ROBO2: variants seen among roughly 807,000 people sequenced by gnomAD.
ROBO2 encodes roundabout guidance receptor 2, also known as roundabout homolog 2.
A neutral mutation model predicts 160.8 loss-of-function variants in ROBO2; 53 were observed. The observed-to-expected ratio is 0.33, with a 90% CI of 0.26 to 0.41. The LOEUF is 0.41. Ranked by LOEUF, ROBO2 falls within the 10% of genes least tolerant of loss-of-function variation. The probability of loss-of-function intolerance (pLI) is 1.00; values close to 1 mark genes in which losing one functional copy is unlikely to be tolerated. For synonymous variants in ROBO2, 664 were observed against 611.7 expected (o/e 1.09, Z -1.26); for missense variants, 1,577 against 1,722.4 (o/e 0.92, Z 1.49).
At chr3:77,034,656 C>T (rs1018200472) in intron 2 of ROBO2, among the ~76,000 whole-genome samples, 6 of 151,852 alleles carry the variant, frequency 4.0e-5, no homozygotes, top group African/African-American at 1.4e-4. Context: ...AGTGAGCATA[C>T]AACTGTAAAA....
At chr3:77,415,185 G>A (rs917541790) in intron 2 of ROBO2, among the ~76,000 whole-genome samples, 61 of 152,312 alleles carry the variant, frequency 4.0e-4, no homozygotes, top group African/African-American at 1.3e-3. Context: ...GAGAACAGAA[G>A]AGCAAATGCT....
intron 2 of ROBO2, among the ~76,000 whole-genome samples, chr3:76,440,526 T>A (rs1327758455): frequency 2.0e-5 from 3 of 151,908 alleles, no homozygotes; most frequent in Non-Finnish European, 2.9e-5. Flanking sequence ...AGAGAAGAAA[T>A]CTGTAAAGGG....
intron 21 of ROBO2, among the ~76,000 whole-genome samples, chr3:77,615,872 G>A (rs2094764038): frequency 6.6e-6 from 1 of 152,118 alleles, no homozygotes; most frequent in African/African-American, 2.4e-5. Context: ...AAATATTCAA[G>A]AATCATCCGG....
intron 1 of ROBO2, among the ~76,000 whole-genome samples, chr3:77,048,023 G>A (rs929244745): frequency 6.6e-5 from 10 of 151,976 alleles, no homozygotes; most frequent in East Asian, 3.9e-4. Context: ...CTCCAGCCTC[G>A]GCGACAGAGT....
At chr3:76,919,982 T>G (rs1324540994) in intron 2 of ROBO2, among the ~76,000 whole-genome samples, 16 of 152,196 alleles carry the variant, frequency 1.1e-4, no homozygotes, top group Admixed American at 1.0e-3. Flanking sequence ...TTGGACGTAA[T>G]AGATTTTTAT....
intron 2 of ROBO2, among the ~76,000 whole-genome samples, chr3:76,931,693 T>A (rs559806952): frequency 1.1e-4 from 16 of 152,184 alleles, no homozygotes; most frequent in Middle Eastern, 3.4e-3. Flanking sequence ...GACTTTTTTT[T>A]AAATTTGAGA....
At chr3:77,304,905 A>G (rs1275667703) in intron 2 of ROBO2, among the ~76,000 whole-genome samples, 1 of 152,160 alleles carries the variant, frequency 6.6e-6, no homozygotes, top group African/African-American at 2.4e-5. Flanking sequence ...GTTTTGATAA[A>G]TGCATTTGTA....
exon 26 of ROBO2, chr3:77,649,214 T>G (rs2095432784): frequency 6.6e-6 from 1 of 152,180 alleles, no homozygotes; most frequent in African/African-American, 2.4e-5. Context: ...CCAAGAAAAG[T>G]AAAACCATTG....
chr3:76,203,658 TC>T (rs1393562047), intron 2 of ROBO2, among the ~76,000 whole-genome samples: 1 of 139,866 alleles, frequency 7.1e-6, no homozygotes, highest in Non-Finnish European at 1.5e-5. Context: ...GCTATCGGCT[TC>T]CCGGTCAACA....
At chr3:76,664,169 G>C (rs2091933176) in intron 2 of ROBO2, among the ~76,000 whole-genome samples, 1 of 152,142 alleles carries the variant, frequency 6.6e-6, no homozygotes. Flanking sequence ...TGTGTAAAAG[G>C]GGTTGATAAA....
chr3:76,961,416 G>A (rs1367256822), intron 2 of ROBO2, among the ~76,000 whole-genome samples: 1 of 150,316 alleles, frequency 6.7e-6, no homozygotes, highest in East Asian at 2.0e-4. Flanking sequence ...ACTACTTTTT[G>A]TGGATCTAAG....
intron 2 of ROBO2, among the ~76,000 whole-genome samples, chr3:76,757,022 G>T (rs2061013600): frequency 6.6e-6 from 1 of 151,818 alleles, no homozygotes; most frequent in African/African-American, 2.4e-5. Flanking sequence ...GATTACAGCT[G>T]CTAAACTTTT....
At chr3:76,802,532 T>C (rs765214415) in intron 2 of ROBO2, among the ~76,000 whole-genome samples, 2 of 151,826 alleles carry the variant, frequency 1.3e-5, no homozygotes, top group Non-Finnish European at 2.9e-5. Context: ...ATTGAGACCA[T>C]CCTGGCTAAC....
At chr3:76,076,514 A>G (rs1195831716) in intron 2 of ROBO2, among the ~76,000 whole-genome samples, 3 of 152,166 alleles carry the variant, frequency 2.0e-5, no homozygotes, top group East Asian at 1.9e-4. Context: ...TGCTTCATTT[A>G]TGCATTCTAA....
At chr3:77,181,084 G>C (rs2080738418) in intron 2 of ROBO2, among the ~76,000 whole-genome samples, 1 of 152,042 alleles carries the variant, frequency 6.6e-6, no homozygotes, top group African/African-American at 2.4e-5. Flanking sequence ...AATAAGGGCA[G>C]CATTTAAAAA....
chr3:76,525,537 T>TG (rs1223168097), intron 2 of ROBO2, among the ~76,000 whole-genome samples: 1 of 151,982 alleles, frequency 6.6e-6, no homozygotes, highest in Non-Finnish European at 1.5e-5. Context: ...TTATTTAAAC[T>TG]GAAAAAAATT....
intron 2 of ROBO2, among the ~76,000 whole-genome samples, chr3:76,693,076 G>A (rs1326515860): frequency 1.4e-5 from 2 of 147,908 alleles, no homozygotes; most frequent in Non-Finnish European, 3.0e-5. Context: ...TCTATATATA[G>A]TGTATATATT....
rs34771369 is a variant in ROBO2, at chr3:77,431,014, G to A, written c.389-46400G>A. On this transcript the variant is annotated intron_variant, in intron 2 of 25. Transcript: ENST00000461745. ...TTTATTGTCATTAAATTTTATATGTGATCTGCTGTAACTATTTCTCATCCT... is the reference window on the plus strand; with the variant it reads ...TTTATTGTCATTAAATTTTATATGTAATCTGCTGTAACTATTTCTCATCCT... 3.8e-3 allele frequency among the ~76,000 whole-genome samples: 585 copies of A among 152,188 alleles called. 3 individuals are homozygous for A. The highest frequency in any genetic ancestry group is 0.02 in the Middle Eastern group (6 of 294).
At chr3:77,020,271 C>T (rs1329951762) in intron 2 of ROBO2, among the ~76,000 whole-genome samples, 4 of 152,084 alleles carry the variant, frequency 2.6e-5, no homozygotes, top group African/African-American at 4.8e-5. Context: ...AAAAACTCAG[C>T]ACTGAATAAT....
Sources: gnomAD v4.1 joint callset for allele counts (sites outside exome capture counted in the v4.1 genomes callset) on GRCh38, gnomAD v4.1.1 for gene constraint, MANE v1.5 for transcripts, NCBI Gene and HGNC (gene_info 2026-07-23, HGNC 2026-07-21) for gene names.